The following UACA variants were observed in gnomAD, a reference collection of about 807,000 sequenced individuals.
UACA encodes the protein nuclear membrane binding protein.
In UACA, 112 loss-of-function variants were observed where a neutral mutation model predicts 160.5. That is an observed-to-expected ratio of 0.70 (90% CI 0.60 to 0.82). UACA has a LOEUF of 0.82. UACA is among the 40% of genes least tolerant of loss of function. The pLI is 0.00. For missense variants in UACA, 1,574 were observed against 1,614.6 expected (o/e 0.97, Z 0.43); for synonymous variants, 557 against 568.4 (o/e 0.98, Z 0.29).
At chr15:70,702,565 T>G (rs1325254707) in intron 1 of UACA, among the ~76,000 whole-genome samples, 2 of 152,170 alleles carry the variant, frequency 1.3e-5, no homozygotes, top group East Asian at 3.8e-4. Flanking sequence ...AAGAGACAAA[T>G]TTGGTTATTC....
intron 1 of UACA, among the ~76,000 whole-genome samples, chr15:70,761,738 TTGAGTGCTAAAGA>T (rs2030772585): frequency 6.6e-6 from 1 of 152,158 alleles, no homozygotes; most frequent in South Asian, 2.1e-4. Flanking sequence ...GAACGCTCAA[TTGAGTGCTAAAGA>T]TTTAAGCTCA....
intron 1 of UACA, among the ~76,000 whole-genome samples, chr15:70,724,598 C>T (rs759396875): frequency 2.6e-5 from 4 of 151,958 alleles, no homozygotes; most frequent in African/African-American, 4.8e-5. Context: ...TGAACTAGTA[C>T]AGCTAACAAT....
chr15:70,660,954 G>C (rs972031149), intron 17 of UACA: 1 of 152,110 alleles, frequency 6.6e-6, no homozygotes, highest in African/African-American at 2.4e-5. Context: ...GGAAAACATA[G>C]CTTATATAGG....
chr15:70,701,960 T>C, intron 1 of UACA: 1 of 1,607,980 alleles, frequency 6.2e-7, no homozygotes, highest in Non-Finnish European at 8.5e-7. Flanking sequence ...CTACTTTGCA[T>C]TAAGTTACAA....
chr15:70,715,235 G>T (rs79745638), intron 1 of UACA, among the ~76,000 whole-genome samples: 2 of 152,126 alleles, frequency 1.3e-5, no homozygotes, highest in African/African-American at 4.8e-5. Flanking sequence ...AATGAACACA[G>T]TAATAGTTAC....
chr15:70,763,971 A>G (rs79953151), upstream of UACA, among the ~76,000 whole-genome samples: 1,394 of 152,336 alleles, frequency 9.2e-3, 27 homozygotes, highest in African/African-American at 0.032. Context: ...AACAGCTTTC[A>G]GGAGCAACTT....
chr15:70,668,266 A>G lies in UACA; in HGVS notation c.2418T>C (p.Pro806=). The change falls in exon 16 of 19, where the codon CCT becomes CCC. Residue 806 remains proline (P), a synonymous_variant. Coordinates refer to ENST00000322954, the MANE Select transcript of UACA (RefSeq NM_018003.4). ...CTATTATCTCTTTTTCATGTTTCTC[A>G]GGAGGTACAAACACAGTTTCTAGGC... ...VSRLETVFVP[P]EKHEKEIIAL... is the part of the protein sequence containing the mutation. 1.2e-6 allele frequency: 2 copies of G among 1,613,476 alleles called. No individual in the cohort carries two copies. Among genetic ancestry groups the G allele is most frequent in the Non-Finnish European group, 1.7e-6 (2 of 1,179,918 alleles).
At chr15:70,662,094 T>C (rs1896726786) in intron 17 of UACA, among the ~76,000 whole-genome samples, 1 of 152,208 alleles carries the variant, frequency 6.6e-6, no homozygotes, top group South Asian at 2.1e-4. Context: ...GATGACATCA[T>C]TGTATATCTA....
chr15:70,768,465 C>G (rs1379096260), upstream of UACA: 1 of 152,224 alleles, frequency 6.6e-6, no homozygotes, highest in East Asian at 1.9e-4. Flanking sequence ...GAGATAACCA[C>G]TGTGTTTTCT....
chr15:70,735,421 AAT>A (rs1310939853), intron 1 of UACA, among the ~76,000 whole-genome samples: 2 of 152,098 alleles, frequency 1.3e-5, no homozygotes, highest in Non-Finnish European at 2.9e-5. Flanking sequence ...GTTGTCTAGG[AAT>A]ATATCTGAGA....
intron 1 of UACA, among the ~76,000 whole-genome samples, chr15:70,760,398 T>G (rs948557228): frequency 1.1e-4 from 17 of 152,148 alleles, no homozygotes; most frequent in Non-Finnish European, 2.1e-4. Context: ...ACCATAAAAA[T>G]GTCTTAAGAC....
At chr15:70,726,506 A>T (rs576697486) in intron 1 of UACA, among the ~76,000 whole-genome samples, 1 of 152,322 alleles carries the variant, frequency 6.6e-6, no homozygotes, top group African/African-American at 2.4e-5. Flanking sequence ...TGTATTCACG[A>T]CTTTCTCCAC....
At chr15:70,757,151 G>A (rs1169469351) in intron 1 of UACA, among the ~76,000 whole-genome samples, 1 of 152,038 alleles carries the variant, frequency 6.6e-6, no homozygotes, top group Non-Finnish European at 1.5e-5. Context: ...TAATTTTTAA[G>A]AAACCATTTC....
intron 1 of UACA, among the ~76,000 whole-genome samples, chr15:70,742,741 C>T (rs1189096184): frequency 6.6e-6 from 1 of 152,034 alleles, no homozygotes; most frequent in East Asian, 1.9e-4. Flanking sequence ...CAGGTTGTAC[C>T]TATAATTTTT....
intron 7 of UACA, among the ~76,000 whole-genome samples, 172 bp from the exon 8 acceptor site, chr15:70,684,618 G>A (rs1180894790): frequency 6.6e-6 from 1 of 151,958 alleles, no homozygotes; most frequent in Non-Finnish European, 1.5e-5. Context: ...GCAAATCCAT[G>A]TTGTAGAGGG....
At chr15:70,749,698 C>CAAAAAAAAAAAAAAAAAAAAAAAAAAA (rs11292883) in intron 1 of UACA, among the ~76,000 whole-genome samples, 3 of 70,054 alleles carry the variant, frequency 4.3e-5, no homozygotes, top group African/African-American at 1.6e-4. Context: ...GACTCCGTCT[C>CAAAAAAAAAAAAAAAAAAAAAAAAAAA]AAAAAAAAAA....
rs1446173919 is a variant in UACA at position 70,668,031 on chromosome 15, C to T, written c.2653G>A (p.Asp885Asn). ...TLAKTNRELLDVKKKFEDINQ... is the reference protein window; with the variant it reads ...TLAKTNRELLNVKKKFEDINQ... ...ATATCTTCAAATTTTTTCTTCACAT[C>T]TAATAATTCTCTGTTAGTTTTGGCT... is the stretch of plus-strand genomic sequence containing the variant. The change falls in exon 16 of 19, where the codon GAT becomes AAT. Residue 885 changes from aspartate (D) to asparagine (N), a missense_variant. Asp to Asn is a conservative substitution (Grantham distance 23). Transcript: ENST00000322954. The T allele has an allele frequency of 1.2e-6, 2 of 1,609,996 alleles. No homozygotes were observed. The highest frequency in any genetic ancestry group is 3.4e-5 in the Admixed American group (2 of 59,434).
chr15:70,776,425 CTTTTTTTTT>C, the UACA span, among the ~76,000 whole-genome samples: 5 of 125,330 alleles, frequency 4.0e-5, no homozygotes, highest in Admixed American at 1.6e-4. Flanking sequence ...CCTCAAATGT[CTTTTTTTTT>C]TTTTTTTTTT....
chr15:70,737,019 G>T (rs186823363), intron 1 of UACA, among the ~76,000 whole-genome samples: 1 of 152,134 alleles, frequency 6.6e-6, no homozygotes, highest in Non-Finnish European at 1.5e-5. Flanking sequence ...GTATGAGGGT[G>T]TCTCGTATCC....
Sources: allele counts gnomAD v4.1 joint callset (sites outside exome capture counted in the v4.1 genomes callset), GRCh38; gene constraint gnomAD v4.1.1; transcripts MANE v1.5; gene names NCBI Gene and HGNC (gene_info 2026-07-23, HGNC 2026-07-21).